The following DONSON variants were observed in gnomAD, a reference collection of about 807,000 sequenced individuals.
The protein encoded by DONSON is DNA replication fork stabilization factor DONSON.
Under a neutral mutation model 62.1 loss-of-function variants are expected in DONSON, and 43 were observed. The ratio of observed to expected loss-of-function variants is 0.69; its 90% CI spans 0.54 to 0.89. The LOEUF is 0.89. DONSON is among the 40% of genes least tolerant of loss of function. The probability of loss-of-function intolerance (pLI) is 0.00; values close to 1 mark genes in which losing one functional copy is unlikely to be tolerated. For missense variants in DONSON, 696 were observed against 697.5 expected, an observed-to-expected ratio of 1.00 and a Z score of 0.03; for synonymous variants, 266 against 264.6, an observed-to-expected ratio of 1.01 and a Z score of -0.05.
chr21:33,581,393 C>T lies in DONSON; in HGVS notation c.1259G>A (p.Ser420Asn), dbSNP rs768099763. The T allele has an allele frequency of 2.9e-5, 47 of 1,613,996 alleles. No individual in the cohort carries two copies. The highest frequency in any genetic ancestry group is 4.0e-5 in the Non-Finnish European group (47 of 1,180,028). Residue 420 changes from serine (S) to asparagine (N), a missense_variant, in exon 8 of 10, where the codon AGT becomes AAT. Ser to Asn is a conservative substitution (Grantham distance 46, BLOSUM62 1). Coordinates refer to ENST00000303071, the MANE Select transcript of DONSON (RefSeq NM_017613.4). ...CTGTGGACCTGAGGTAGCAACTAAACTCTTAGAGTTAATCAAAAAATTGAG... is the reference window on the plus strand; with the variant it reads ...CTGTGGACCTGAGGTAGCAACTAAATTCTTAGAGTTAATCAAAAAATTGAG... The part of the protein sequence containing the change: ...TLLNFLINSK[S>N]LVATSGPQAG...
At chr21:33,583,344 GA>G (rs989105235) in intron 5 of DONSON, 143 bp downstream of exon 5, 26 of 721,898 alleles carry the variant, frequency 3.6e-5, no homozygotes, top group East Asian at 8.9e-5. Context: ...GTGGGGGAGG[GA>G]AAAAAAGCCA....
chr21:33,584,298 G>A (rs895902415), intron 4 of DONSON, among the ~76,000 whole-genome samples: 1 of 150,976 alleles, frequency 6.6e-6, no homozygotes, highest in African/African-American at 2.4e-5. Context: ...CGCCTGCCTC[G>A]GCCTCCCAAA....
intron 1 of DONSON, 83 bp downstream of exon 1, chr21:33,588,238 G>A (rs1048862059): frequency 4.6e-6 from 5 of 1,091,874 alleles, no homozygotes; most frequent in African/African-American, 1.6e-5. Context: ...CCTCGAACGC[G>A]AGGACTTTCC....
intron 2 of DONSON, 151 bp from the exon 3 acceptor site, chr21:33,586,332 A>G (rs1358613545): frequency 7.0e-6 from 5 of 712,158 alleles, no homozygotes; most frequent in Non-Finnish European, 1.2e-5. Flanking sequence ...ACTGTAAAAA[A>G]GTCTGAAAGG....
chr21:33,586,657 C>T (rs977535577), intron 2 of DONSON, among the ~76,000 whole-genome samples: 5 of 151,822 alleles, frequency 3.3e-5, no homozygotes, highest in South Asian at 2.1e-4. Context: ...TAAATTGAGA[C>T]GGAGTCTCCC....
At chr21:33,578,517 T>TG (rs1258125302) in intron 9 of DONSON, 73 bp from the exon 10 acceptor site, 15 of 1,425,860 alleles carry the variant, frequency 1.1e-5, no homozygotes, top group Non-Finnish European at 1.4e-5. Context: ...ATAATTACTA[T>TG]GGAGACTGAC....
chr21:33,586,835 G>A (rs538470209), intron 2 of DONSON, among the ~76,000 whole-genome samples: 2 of 151,538 alleles, frequency 1.3e-5, no homozygotes, highest in Non-Finnish European at 2.9e-5. Flanking sequence ...CGGGGGTTTC[G>A]TCATATTGGC....
chr21:33,588,378 C>G lies in DONSON; in HGVS notation c.264G>C (p.Arg88=). The change falls in exon 1 of 10, where the codon CGG becomes CGC. Residue 88 remains arginine (R), a synonymous_variant. Transcript: ENST00000303071. The part of the protein sequence containing the change: ...NPFARLDNRP[R]VAAEPPDGPA... ...GCCCGTCGGGGGGCTCCGCGGCGAC[C>G]CGCGGTCGGTTGTCCAGGCGGGCGA... 7.7e-7 allele frequency: 1 copy of G among 1,292,130 alleles called. No homozygotes were observed. The highest frequency in any genetic ancestry group is 9.8e-7 in the Non-Finnish European group (1 of 1,024,636). 80.0% of individuals were successfully genotyped at this position (1,292,130 alleles called of 1,614,324 possible). A position where few individuals can be genotyped will look rare whatever the true frequency, so the allele number is the denominator to read the frequency against.
In DONSON at chr21:33,581,861, A is replaced by T. The variant is rs1170277708; in HGVS notation, c.1151+90T>A. On this transcript the variant is annotated intron_variant, in intron 7 of 9. Coordinates refer to ENST00000303071, the MANE Select transcript of DONSON (RefSeq NM_017613.4). ...TAATATGACCTGAAGATAATTTAAG[A>T]TTATAATCATATAAAACTGCCAATG... The T allele has an allele frequency of 3.5e-6, 4 of 1,149,498 alleles. No homozygotes were observed. The Middle Eastern group carries it at 6.1e-4, about 175-fold the overall frequency. The allele number at this position is 1,149,498 out of a possible 1,614,324, so 71.2% of individuals were successfully genotyped here. A position where few individuals can be genotyped will look rare whatever the true frequency, so the allele number is the denominator to read the frequency against.
chr21:33,579,473 AG>A lies in DONSON; in HGVS notation c.1439del (p.Ser480PhefsTer5). 1.2e-6 allele frequency: 2 copies of A among 1,614,254 alleles called. No individual in the cohort carries two copies. Among genetic ancestry groups the A allele is most frequent in the African/African-American group, 1.3e-5 (1 of 75,076 alleles). ...TGAGCAGCATGGTCAGTGAATGCAG[AG>A]AATGAGGCATGATAGGACCTGTAAT... ...LEITGPIMPHSLHSLTMLLKS... is the reference protein window; with the variant it reads ...LEITGPIMPHXLHSLTMLLKS... On this transcript the variant is annotated frameshift_variant, in exon 9 of 10. Coordinates refer to ENST00000303071, the MANE Select transcript of DONSON (RefSeq NM_017613.4). LOFTEE classifies it high-confidence loss of function.
rs2086438007 is a variant in DONSON at position 33,577,638 on chromosome 21, CACACACACACACA to C, written c.*656_*668del. On this transcript the variant is annotated 3_prime_UTR_variant, in exon 10 of 10. Coordinates refer to ENST00000303071, the MANE Select transcript of DONSON (RefSeq NM_017613.4). ...ACACACACACACACACACACACACA[CACACACACACACA>C]CACACACACACACACACACACACAC... 2 of 52,688 alleles carry C rather than the reference CACACACACACACA, an allele frequency of 3.8e-5. No individual in the cohort carries two copies. Among genetic ancestry groups the C allele is most frequent in the Non-Finnish European group, 8.3e-5 (2 of 24,234 alleles). The allele number at this position is 52,688 out of a possible 1,614,324, so 3.3% of individuals were successfully genotyped here.
In DONSON at chr21:33,588,337, G is replaced by T; in HGVS notation, c.305C>A (p.Pro102Gln). 1 of 1,293,328 alleles carries T rather than the reference G, an allele frequency of 7.7e-7. No individual in the cohort carries two copies. The highest frequency in any genetic ancestry group is 9.8e-7 in the Non-Finnish European group (1 of 1,024,926). The allele number at this position is 1,293,328 out of a possible 1,614,324, so 80.1% of individuals were successfully genotyped here. ...EPPDGPAREQ[P>Q]EAPVPFLDSN... is the part of the protein sequence containing the mutation. ...GACACTCACCGGGACCGGGGCCTCCGGCTGCTCGCGGGCCGGCCCGTCGGG... is the reference window on the plus strand; with the variant it reads ...GACACTCACCGGGACCGGGGCCTCCTGCTGCTCGCGGGCCGGCCCGTCGGG... Residue 102 changes from proline to glutamine, a missense_variant, in exon 1 of 10, where the codon CCG becomes CAG. Physicochemically the swap from Pro to Gln is moderately conservative, Grantham distance 76. Transcript: ENST00000303071.
At chr21:33,587,657 A>C in intron 1 of DONSON, 55 bp from the exon 2 acceptor site, 2 of 1,268,110 alleles carry the variant, frequency 1.6e-6, no homozygotes, top group Non-Finnish European at 2.2e-6. Flanking sequence ...GTTTGCGTTA[A>C]ATATGTACAG....
At chr21:33,583,017 C>T (rs907580200) in intron 5 of DONSON, among the ~76,000 whole-genome samples, 3 of 151,590 alleles carry the variant, frequency 2.0e-5, no homozygotes, top group Non-Finnish European at 2.9e-5. Context: ...CTGGCTAACA[C>T]GGTGAAACCC....
intron 8 of DONSON, among the ~76,000 whole-genome samples, chr21:33,580,638 GAAAAT>G (rs1160066075): frequency 6.6e-6 from 1 of 151,240 alleles, no homozygotes; most frequent in African/African-American, 2.4e-5. Flanking sequence ...ACCAAAAAAA[GAAAAT>G]AAATGTTCGT....
At chr21:33,582,833 T>C (rs2086528668) in intron 5 of DONSON, among the ~76,000 whole-genome samples, 1 of 152,102 alleles carries the variant, frequency 6.6e-6, no homozygotes, top group African/African-American at 2.4e-5. Context: ...AGTGGTCGCA[T>C]TAGATTCTCA....
At position 33,585,992 on chromosome 21, in the gene DONSON, G is replaced by A; in HGVS notation, c.592C>T (p.Pro198Ser). Reference protein sequence around the residue: ...QHCRATEVTLPKSIQDPKLSS... With the variant: ...QHCRATEVTLSKSIQDPKLSS... ...TTCAGAGTTACCTGTATACTTTTAGGCAAAGTAACTTCTGTTGCCCTACAA... is the reference window on the plus strand; with the variant it reads ...TTCAGAGTTACCTGTATACTTTTAGACAAAGTAACTTCTGTTGCCCTACAA... Residue 198 changes from proline (P) to serine (S), a missense_variant, in exon 3 of 10, where the codon CCT becomes TCT. By Grantham distance (74) the Pro-to-Ser change is moderately conservative (BLOSUM62 -1). Coordinates refer to ENST00000303071, the MANE Select transcript of DONSON (RefSeq NM_017613.4). The A allele has an allele frequency of 6.2e-7, 1 of 1,614,008 alleles. No homozygotes were observed. The highest frequency in any genetic ancestry group is 8.5e-7 in the Non-Finnish European group (1 of 1,179,960).
intron 7 of DONSON, among the ~76,000 whole-genome samples, chr21:33,581,711 T>C (rs975959002): frequency 6.6e-6 from 1 of 152,216 alleles, no homozygotes; most frequent in Non-Finnish European, 1.5e-5. Context: ...CCTAATTTCT[T>C]CTCTAGTCAA....
At chr21:33,587,761 T>C (rs1194281330) in intron 1 of DONSON, among the ~76,000 whole-genome samples, 159 bp from the exon 2 acceptor site, 39 of 152,190 alleles carry the variant, frequency 2.6e-4, no homozygotes, top group Non-Finnish European at 4.4e-5. Context: ...ACTTCAGTTT[T>C]GTGTCTGAAC....
Sources: allele counts gnomAD v4.1 joint callset (sites outside exome capture counted in the v4.1 genomes callset), GRCh38; gene constraint gnomAD v4.1.1; transcripts MANE v1.5; gene names NCBI Gene and HGNC (gene_info 2026-07-23, HGNC 2026-07-21).